SH2B1: variants seen among roughly 807,000 people sequenced by gnomAD.
SH2B1 encodes SH2B adapter protein 1.
SH2B1 carries 15 observed loss-of-function variants against 62.6 expected under a neutral mutation model. The observed-to-expected ratio is 0.24, with a 90% CI of 0.16 to 0.37. SH2B1 has a LOEUF of 0.37. SH2B1 is among the 10% of genes least tolerant of loss of function. SH2B1 has a pLI of 1.00. For synonymous variants in SH2B1, 443 were observed against 438.0 expected (o/e 1.01, Z -0.14); for missense variants, 925 against 1,015.6 (o/e 0.91, Z 1.21).
Position 28,863,920 on chromosome 16 carries a change from A to C in SH2B1, c.-2175A>C. On this transcript the variant is annotated 5_prime_UTR_variant, in exon 1 of 8. Coordinates refer to ENST00000684370, the MANE Select transcript of SH2B1 (RefSeq NM_001387430.1). ...CCGCCGCCGCCGCCGCCGCCGCCGG[A>C]GCTAACCTCGGGGACCGAGATGCAG... 1 of 1,485,590 alleles carries C rather than the reference A, an allele frequency of 6.7e-7. No homozygotes were observed. The highest frequency in any genetic ancestry group is 8.9e-7 in the Non-Finnish European group (1 of 1,124,424). The allele number at this position is 1,485,590 out of a possible 1,614,324, so 92.0% of individuals were successfully genotyped here.
chr16:28,848,498 A>C (rs1352745671), intron 1 of SH2B1, among the ~76,000 whole-genome samples: 1 of 151,960 alleles, frequency 6.6e-6, no homozygotes, highest in Non-Finnish European at 1.5e-5. Context: ...TCTGAACTAG[A>C]GCTTTATGAT....
In SH2B1 at chr16:28,866,066, C is replaced by G. The variant is rs1209057049; in HGVS notation, c.-29C>G. ...TGCCTCCCTCTTTGTGCCCCACAGGCTCCCCCTCTCCACCTCCTGGGGCCC... is the reference window on the plus strand; with the variant it reads ...TGCCTCCCTCTTTGTGCCCCACAGGGTCCCCCTCTCCACCTCCTGGGGCCC... On this transcript the variant is annotated 5_prime_UTR_variant, in exon 1 of 8. Transcript: ENST00000684370. The surrounding 1 kb of genome is among the most constrained non-coding windows in gnomAD (Gnocchi z 6.3). The G allele has an allele frequency of 1.3e-6, 2 of 1,514,372 alleles. No individual in the cohort carries two copies. The highest frequency in any genetic ancestry group is 1.8e-6 in the Non-Finnish European group (2 of 1,138,936). The allele number at this position is 1,514,372 out of a possible 1,614,324, so 93.8% of individuals were successfully genotyped here.
rs187896234 is a variant in SH2B1, at chr16:28,870,399, G to A, written c.1309+1016G>A. Among the ~76,000 whole-genome samples, 286 of 152,292 alleles carry A rather than the reference G, an allele frequency of 1.9e-3. 4 individuals carry two copies. The highest frequency in any genetic ancestry group is 3.3e-3 in the Non-Finnish European group (222 of 68,032). On this transcript the variant is annotated intron_variant, in intron 4 of 7. Coordinates refer to ENST00000684370, the MANE Select transcript of SH2B1 (RefSeq NM_001387430.1). ...GGAAGGTGGGAGAGACAGGGACTGCGACGCCGAGGAGAGGAGAGGACATGC... is the reference window on the plus strand; with the variant it reads ...GGAAGGTGGGAGAGACAGGGACTGCAACGCCGAGGAGAGGAGAGGACATGC...
Position 28,852,340 on chromosome 16 carries a change from T to A in SH2B1, c.-301+5513T>A, listed in dbSNP as rs1445247485. Among the ~76,000 whole-genome samples the A allele has an allele frequency of 4.8e-4, 30 of 63,046 alleles. 2 individuals are homozygous for A. The highest frequency in any genetic ancestry group is 1.9e-3 in the African/African-American group (26 of 13,416). 41.4% of individuals were successfully genotyped at this position (63,046 alleles called of 152,430 possible). A position where few individuals can be genotyped will look rare whatever the true frequency, so the allele number is the denominator to read the frequency against. On this transcript the variant is annotated intron_variant, in intron 1 of 10. Coordinates refer to the SH2B1 transcript ENST00000322610. The stretch of plus-strand genomic sequence containing the variant: ...TACATATATATATTTACATATATAT[T>A]TACATATATATTTATATATATATTT...
Position 28,871,773 on chromosome 16 carries a change from T to TC in SH2B1, c.1310-7_1310-6insC. ...TGGGTTCTCAGCTTTGCCCTTTTTT[T>TC]TTCCAGGGGCATATGGGGGCCTCTC... On this transcript the variant is annotated splice_region_variant and splice_polypyrimidine_tract_variant and intron_variant, in intron 4 of 7. Coordinates refer to ENST00000684370, the MANE Select transcript of SH2B1 (RefSeq NM_001387430.1). 6.2e-7 allele frequency: 1 copy of TC among 1,613,280 alleles called. No homozygotes were observed. The highest frequency in any genetic ancestry group is 1.1e-5 in the South Asian group (1 of 91,064).
chr16:28,873,665 G>A lies in SH2B1; in HGVS notation c.2116G>A (p.Glu706Lys), dbSNP rs1375745728. Residue 706 changes from glutamate (E) to lysine (K), a missense_variant, in exon 8 of 8, where the codon GAG becomes AAG. Transcript: ENST00000684370. This position sits in a 1 kb window ranked among gnomAD's most constrained non-coding sequence, Gnocchi z 4.2. Reference protein sequence around the residue: ...VELVPVVELEEAIAPGSEAQG... With the variant: ...VELVPVVELEKAIAPGSEAQG... ...GCTGGTCCCCGTGGTTGAATTGGAA[G>A]AGGCCATAGCCCCAGGCTCAGAGGC... The A allele has an allele frequency of 2.6e-6, 4 of 1,531,968 alleles. No individual in the cohort carries two copies. The highest frequency in any genetic ancestry group is 1.4e-5 in the African/African-American group (1 of 72,336). 94.9% of individuals were successfully genotyped at this position (1,531,968 alleles called of 1,614,324 possible).
intron 1 of SH2B1, among the ~76,000 whole-genome samples, chr16:28,854,612 T>C (rs886741958): frequency 1.3e-5 from 2 of 151,936 alleles, no homozygotes; most frequent in African/African-American, 4.8e-5. Flanking sequence ...AAAAATTAGC[T>C]GGGCATGGTA....
In SH2B1 at chr16:28,866,549, G is replaced by A. The variant is rs759773702; in HGVS notation, c.455G>A (p.Arg152His). 7 of 1,613,992 alleles carry A rather than the reference G, an allele frequency of 4.3e-6. No homozygotes were observed. In the Admixed American group the frequency reaches 6.7e-5, roughly 15 times the overall value. Residue 152 changes from arginine to histidine, a missense_variant, in exon 1 of 8, where the codon CGC becomes CAC. Physicochemically the swap from Arg to His is conservative, Grantham distance 29. This residue lies in a region of SH2B1 where 683 missense variants were observed against 704.0 expected (regional missense o/e 0.97). Transcript: ENST00000684370. The surrounding 1 kb of genome is among the most constrained non-coding windows in gnomAD (Gnocchi z 6.3). ...TTSSKPKLKK[R>H]FSLRSVGRSV... The stretch of plus-strand genomic sequence containing the variant: ...TCCTCCAAGCCGAAGCTCAAGAAGC[G>A]CTTTTCCCTGCGTTCAGTGGGTCGC...
intron 4 of SH2B1, 96 bp from the exon 5 acceptor site, chr16:28,871,675 CCAGCGACTG>C: frequency 2.2e-6 from 2 of 892,178 alleles, no homozygotes; most frequent in South Asian, 2.8e-5. Context: ...GGCATCTTGG[CCAGCGACTG>C]CACACAGGGT....
chr16:28,856,499 G>A (rs1962327144), intron 1 of SH2B1, among the ~76,000 whole-genome samples: 1 of 152,032 alleles, frequency 6.6e-6, no homozygotes. Flanking sequence ...CTACAAATTG[G>A]GGGTGGAGGT....
intron 1 of SH2B1, among the ~76,000 whole-genome samples, chr16:28,848,050 T>TC (rs955389067): frequency 9.9e-5 from 15 of 151,782 alleles, no homozygotes; most frequent in Non-Finnish European, 2.1e-4. Context: ...GCTCTCGAAC[T>TC]CCAGACCTCA....
chr16:28,850,664 C>T (rs1315778052), intron 1 of SH2B1, among the ~76,000 whole-genome samples: 1 of 151,952 alleles, frequency 6.6e-6, no homozygotes, highest in African/African-American at 2.4e-5. Flanking sequence ...TCAAGACCAT[C>T]ATGGCTAATA....
chr16:28,867,531 T>C (rs1214578561), intron 2 of SH2B1, 99 bp downstream of exon 2: 3 of 843,904 alleles, frequency 3.6e-6, no homozygotes, highest in Admixed American at 3.5e-5. Flanking sequence ...GGTATATATA[T>C]GTGTCCAGTG....
In SH2B1 at chr16:28,865,214, C is replaced by G. The variant is rs775176697; in HGVS notation, c.-881C>G. On this transcript the variant is annotated 5_prime_UTR_variant, in exon 1 of 8. Coordinates refer to ENST00000684370, the MANE Select transcript of SH2B1 (RefSeq NM_001387430.1). Reference sequence around the variant, plus strand: ...CTTGACCTGAGCCAACCCAGTTTCTCCTCTGGGGCCCCTGCGGCCTCTGGC... The same window carrying G: ...CTTGACCTGAGCCAACCCAGTTTCTGCTCTGGGGCCCCTGCGGCCTCTGGC... 2.0e-5 allele frequency: 20 copies of G among 985,512 alleles called. No individual in the cohort carries two copies. The highest frequency in any genetic ancestry group is 2.4e-5 in the Non-Finnish European group (20 of 829,966). 61.0% of individuals were successfully genotyped at this position (985,512 alleles called of 1,614,324 possible). A position where few individuals can be genotyped will look rare whatever the true frequency, so the allele number is the denominator to read the frequency against.
rs1231576866 is a variant in SH2B1, at chr16:28,864,644, C to T, written c.-1451C>T. On this transcript the variant is annotated 5_prime_UTR_variant, in exon 1 of 8. Coordinates refer to ENST00000684370, the MANE Select transcript of SH2B1 (RefSeq NM_001387430.1). ...GGTTTGGGGAGGCTTTCCTGAGCTG[C>T]TCTGGCCCCAGTCCTGGGGCTGTCA... The T allele has an allele frequency of 1.3e-5, 13 of 985,318 alleles. No homozygotes were observed. The South Asian group carries it at 1.4e-4, about 11-fold the overall frequency. 61.0% of individuals were successfully genotyped at this position (985,318 alleles called of 1,614,324 possible). A position where few individuals can be genotyped will look rare whatever the true frequency, so the allele number is the denominator to read the frequency against.
rs995135398 is a variant in SH2B1 at position 28,866,237 on chromosome 16, A to T, written c.143A>T (p.Tyr48Phe). Reference protein sequence around the residue: ...ALDFARRFRLYLASHPQYAGP... With the variant: ...ALDFARRFRLFLASHPQYAGP... ...GACTTTGCCCGCCGTTTTCGCCTCT[A>T]CCTGGCCTCCCACCCCCAATATGCG... is the stretch of plus-strand genomic sequence containing the variant. Residue 48 changes from tyrosine (Y) to phenylalanine (F), a missense_variant, in exon 1 of 8, where the codon TAC becomes TTC. Tyr to Phe is a conservative substitution (Grantham distance 22). Transcript: ENST00000684370. The surrounding 1 kb of genome is among the most constrained non-coding windows in gnomAD (Gnocchi z 6.3). 1 of 1,609,326 alleles carries T rather than the reference A, an allele frequency of 6.2e-7. No homozygotes were observed. The highest frequency in any genetic ancestry group is 1.3e-5 in the African/African-American group (1 of 74,392).
chr16:28,848,556 T>C (rs1244161938), intron 1 of SH2B1, among the ~76,000 whole-genome samples: 1 of 152,008 alleles, frequency 6.6e-6, no homozygotes, highest in Non-Finnish European at 1.5e-5. Flanking sequence ...AGTGCTACCC[T>C]GGGTAGTAGG....
At chr16:28,859,493 G>A (rs189978744), upstream of SH2B1, among the ~76,000 whole-genome samples, 22 of 152,198 alleles carry the variant, frequency 1.4e-4, no homozygotes, top group Admixed American at 1.4e-3. Flanking sequence ...TGTTTAAGCT[G>A]GTAGAATGAG....
Position 28,869,089 on chromosome 16 carries a change from G to A in SH2B1, c.1125G>A (p.Leu375=). The A allele has an allele frequency of 6.2e-7, 1 of 1,614,166 alleles. No individual in the cohort carries two copies. The highest frequency in any genetic ancestry group is 2.2e-5 in the East Asian group (1 of 44,892). Residue 375 remains leucine (L), a synonymous_variant, in exon 3 of 8, where the codon CTG becomes CTA. Coordinates refer to ENST00000684370, the MANE Select transcript of SH2B1 (RefSeq NM_001387430.1). ...GGGTGTCTGACATCCAAGAATGCCT[G>A]AGCCCAGGGTGAGAAGCCTGACTTC... ...KAWVSDIQEC[L]SPGPCPATSP...
Sources: allele counts gnomAD v4.1 joint callset (sites outside exome capture counted in the v4.1 genomes callset), GRCh38; gene constraint gnomAD v4.1.1; regional missense constraint gnomAD v4.1.1; non-coding constraint Gnocchi (gnomAD v3.1); transcripts MANE v1.5; gene names NCBI Gene and HGNC (gene_info 2026-07-23, HGNC 2026-07-21).